Variants in CPED1 observed in about 807,000 individuals in gnomAD.
CPED1 encodes cadherin-like and PC-esterase domain-containing protein 1.
Under a neutral mutation model 128.2 loss-of-function variants are expected in CPED1, and 114 were observed. The observed-to-expected ratio is 0.89, with a 90% CI of 0.76 to 1.04. CPED1 has a LOEUF of 1.04. Among genes scored for constraint, CPED1 ranks in the 50% least tolerant of loss-of-function variants. CPED1 has a pLI of 0.00. For missense variants in CPED1, 1,211 were observed against 1,207.1 expected (o/e 1.00, Z -0.05); for synonymous variants, 462 against 426.7 (o/e 1.08, Z -1.02).
chr7:121,129,315 A>ATATATATATATATG (rs1795600611), intron 11 of CPED1, among the ~76,000 whole-genome samples: 2 of 95,886 alleles, frequency 2.1e-5, no homozygotes, highest in Non-Finnish European at 4.4e-5. Context: ...ATATATACGT[A>ATATATATATATATG]TATATATATA....
At chr7:121,246,884 C>T (rs1357298316) in intron 18 of CPED1, among the ~76,000 whole-genome samples, 1 of 152,226 alleles carries the variant, frequency 6.6e-6, no homozygotes, top group African/African-American at 2.4e-5. Flanking sequence ...AAGGGCTTAT[C>T]TTTGTGACTC....
chr7:121,094,491 T>C lies in CPED1; in HGVS notation c.617-3208T>C, dbSNP rs1324919738. On this transcript the variant is annotated intron_variant, in intron 5 of 22. Transcript: ENST00000310396. ...GTTTTTAATTCATTGGAATATGATT[T>C]TGTTCTCTAACCATAGATTGGCTTA... Among the ~76,000 whole-genome samples, 8 of 152,220 alleles carry C rather than the reference T, an allele frequency of 5.3e-5. No individual in the cohort carries two copies. The East Asian group carries it at 1.5e-3, about 29-fold the overall frequency.
intron 17 of CPED1, among the ~76,000 whole-genome samples, chr7:121,240,011 A>C (rs1266398431): frequency 6.6e-6 from 1 of 152,206 alleles, no homozygotes; most frequent in African/African-American, 2.4e-5. Context: ...CCAGTTTTGC[A>C]GATGTTATAC....
intron 2 of CPED1, among the ~76,000 whole-genome samples, chr7:121,015,017 GAA>G (rs1277126123): frequency 6.6e-6 from 1 of 152,160 alleles, no homozygotes; most frequent in Non-Finnish European, 1.5e-5. Context: ...TCCATTGTGA[GAA>G]AGAGGAATAT....
At chr7:121,078,086 G>T (rs544943720) in intron 5 of CPED1, among the ~76,000 whole-genome samples, 4 of 151,570 alleles carry the variant, frequency 2.6e-5, no homozygotes, top group Non-Finnish European at 4.4e-5. Flanking sequence ...TCTCACTCTC[G>T]CCAGGCTGGA....
intron 16 of CPED1, among the ~76,000 whole-genome samples, chr7:121,189,153 A>G (rs1176119084): frequency 6.6e-6 from 1 of 152,132 alleles, no homozygotes; most frequent in Non-Finnish European, 1.5e-5. Flanking sequence ...TCCTTGCTCC[A>G]AGATAGCTTT....
chr7:121,271,406 G>A lies in CPED1; in HGVS notation c.2844G>A (p.Gly948=). Residue 948 remains glycine, a synonymous_variant, in exon 22 of 23, where the codon GGG becomes GGA. Transcript: ENST00000310396. ...GGCGTTACAAAGAGTTTCTACAGGGGAAGTGTGGATGTCATTTCCATGAGG... is the reference window on the plus strand; with the variant it reads ...GGCGTTACAAAGAGTTTCTACAGGGAAAGTGTGGATGTCATTTCCATGAGG... ...TMGRYKEFLQ[G]KCGCHFHEVV... is the part of the protein sequence containing the mutation. 4.3e-6 allele frequency: 7 copies of A among 1,612,820 alleles called. No individual in the cohort carries two copies. The highest frequency in any genetic ancestry group is 5.9e-6 in the Non-Finnish European group (7 of 1,179,186).
At chr7:121,182,323 A>T (rs1319586040) in intron 16 of CPED1, among the ~76,000 whole-genome samples, 2 of 152,038 alleles carry the variant, frequency 1.3e-5, no homozygotes, top group African/African-American at 4.8e-5. Context: ...TGCATTAAAA[A>T]CAGACTAGCT....
At chr7:121,081,478 T>A (rs1794293363) in intron 5 of CPED1, among the ~76,000 whole-genome samples, 1 of 152,108 alleles carries the variant, frequency 6.6e-6, no homozygotes, top group African/African-American at 2.4e-5. Context: ...CATCAATAAC[T>A]TTTAAGACCA....
intron 16 of CPED1, among the ~76,000 whole-genome samples, chr7:121,218,151 A>AT (rs34168785): frequency 0.025 from 3,564 of 141,656 alleles, 92 homozygotes; most frequent in South Asian, 0.096. Context: ...TGCCTGGCTA[A>AT]TTTTTTTTTT....
chr7:121,261,957 G>A (rs1792028106), intron 18 of CPED1: 1 of 429,158 alleles, frequency 2.3e-6, no homozygotes, highest in Non-Finnish European at 4.2e-6. Flanking sequence ...CAAGTCTCAT[G>A]TTGAAATGTG....
chr7:121,019,288 G>A (rs764448283), intron 3 of CPED1, among the ~76,000 whole-genome samples: 8 of 152,054 alleles, frequency 5.3e-5, no homozygotes, highest in Non-Finnish European at 1.0e-4. Context: ...CTGAGCCCTA[G>A]TTCTTTTATC....
intron 3 of CPED1, among the ~76,000 whole-genome samples, chr7:121,024,572 T>C (rs7802665): frequency 0.24 from 36,482 of 152,148 alleles, 4,717 homozygotes; most frequent in East Asian, 0.42. Context: ...AATATAACTT[T>C]GAAGATACTT....
intron 16 of CPED1, among the ~76,000 whole-genome samples, chr7:121,216,287 C>T (rs993124782): frequency 6.6e-6 from 1 of 151,982 alleles, no homozygotes; most frequent in Non-Finnish European, 1.5e-5. Context: ...TGTCTGCATG[C>T]CTTGTTGCCA....
rs371874504 is a variant in CPED1, at chr7:121,117,369, G to A, written c.919-6962G>A. Among the ~76,000 whole-genome samples, 80 of 151,920 alleles carry A rather than the reference G, an allele frequency of 5.3e-4. No individual in the cohort carries two copies. In the East Asian group the frequency reaches 0.014, roughly 26 times the overall value. The stretch of plus-strand genomic sequence containing the variant: ...ACCTGCCTCGGCCTCCCAAAGTGCT[G>A]GGATTACAGGCATGAGCCACCACAC... On this transcript the variant is annotated intron_variant, in intron 7 of 22. Coordinates refer to ENST00000310396, the MANE Select transcript of CPED1 (RefSeq NM_024913.5).
chr7:121,054,260 C>T (rs1162503002), intron 4 of CPED1, among the ~76,000 whole-genome samples: 1 of 152,172 alleles, frequency 6.6e-6, no homozygotes, highest in African/African-American at 2.4e-5. Flanking sequence ...AAAGCTGATT[C>T]TTACCATACC....
At chr7:121,090,586 C>T (rs1252224344) in intron 5 of CPED1, among the ~76,000 whole-genome samples, 4 of 152,098 alleles carry the variant, frequency 2.6e-5, no homozygotes, top group Admixed American at 6.6e-5. Flanking sequence ...ATGTGTTTGG[C>T]GTATCCATTC....
At chr7:121,035,614 G>A (rs1792862758) in intron 3 of CPED1, among the ~76,000 whole-genome samples, 1 of 151,956 alleles carries the variant, frequency 6.6e-6, no homozygotes, top group Admixed American at 6.5e-5. Context: ...TGGGAGGATT[G>A]TGTGAGCCCA....
At chr7:121,085,438 A>G (rs183789886) in intron 5 of CPED1, among the ~76,000 whole-genome samples, 70 of 152,248 alleles carry the variant, frequency 4.6e-4, no homozygotes, top group African/African-American at 1.5e-3. Flanking sequence ...TTTCTATTGT[A>G]TGTAATATTA....
Sources: gnomAD v4.1 joint callset for allele counts (sites outside exome capture counted in the v4.1 genomes callset) on GRCh38, gnomAD v4.1.1 for gene constraint, MANE v1.5 for transcripts, NCBI Gene and HGNC (gene_info 2026-07-23, HGNC 2026-07-21) for gene names.